ITFG2: variants seen among roughly 807,000 people sequenced by gnomAD.
ITFG2 encodes the protein integrin alpha FG-GAP repeat containing 2.
In ITFG2, 36 loss-of-function variants were observed where a neutral mutation model predicts 54.4. The ratio of observed to expected loss-of-function variants is 0.66; its 90% CI spans 0.51 to 0.87. The LOEUF is 0.87. ITFG2 is among the 40% of genes least tolerant of loss of function. The pLI, the probability that ITFG2 is intolerant of heterozygous loss-of-function variation, is 0.00. For synonymous variants in ITFG2, 211 were observed against 225.4 expected, an observed-to-expected ratio of 0.94 and a Z score of 0.57; for missense variants, 524 against 576.7, an observed-to-expected ratio of 0.91 and a Z score of 0.94.
downstream of ITFG2, chr12:2,827,238 A>G: frequency 6.2e-7 from 1 of 1,614,138 alleles, no homozygotes; most frequent in Non-Finnish European, 8.5e-7. This position sits in a 1 kb window ranked among gnomAD's most constrained non-coding sequence, Gnocchi z 4.0. Context: ...CAAAGGCAGG[A>G]AGGGTAGCTC....
intron 2 of ITFG2, among the ~76,000 whole-genome samples, chr12:2,854,276 C>T (rs947986000): frequency 5.3e-5 from 8 of 152,200 alleles, no homozygotes; most frequent in East Asian, 1.9e-4. Flanking sequence ...CCGGCCGCCT[C>T]GGCCTCCTAA....
chr12:2,837,937 G>A (rs1480612623), intron 1 of ITFG2, among the ~76,000 whole-genome samples: 1 of 152,200 alleles, frequency 6.6e-6, no homozygotes, highest in Non-Finnish European at 1.5e-5. Flanking sequence ...AATTTACGCT[G>A]TGCCTAAAGG....
chr12:2,826,115 ACT>A (rs1476848530), downstream of ITFG2: 1 of 150,410 alleles, frequency 6.6e-6, no homozygotes, highest in African/African-American at 2.5e-5. Context: ...AGCCAGAAAG[ACT>A]CTCAGGGATC....
intron 1 of ITFG2, among the ~76,000 whole-genome samples, chr12:2,840,187 G>A (rs1207619381): frequency 1.3e-5 from 2 of 151,994 alleles, no homozygotes; most frequent in Non-Finnish European, 2.9e-5. Context: ...AGTGGCTCAC[G>A]CCTATAATTC....
Position 2,821,608 on chromosome 12 carries a change from T to C in ITFG2, c.847+12T>C. On this transcript the variant is annotated intron_variant, in intron 8 of 11. Transcript: ENST00000228799. ...GTGCACCCTGGATGGTGAGCAATGC[T>C]AGGATGGGGTGTGGGGGCTGTATGC... 1.2e-6 allele frequency: 2 copies of C among 1,614,088 alleles called. No homozygotes were observed. Among genetic ancestry groups the C allele is most frequent in the South Asian group, 1.1e-5 (1 of 91,086 alleles).
chr12:2,820,436 G>A (rs755253553), intron 5 of ITFG2, among the ~76,000 whole-genome samples: 8 of 152,152 alleles, frequency 5.3e-5, no homozygotes, highest in Non-Finnish European at 8.8e-5. Flanking sequence ...GGCTAAGAAT[G>A]AGGAGTGTGA....
In ITFG2 at chr12:2,823,807, C is replaced by G. The variant is rs1490095344; in HGVS notation, c.1104C>G (p.Cys368Trp). 1 of 1,597,362 alleles carries G rather than the reference C, an allele frequency of 6.3e-7. No individual in the cohort carries two copies. The highest frequency in any genetic ancestry group is 8.5e-7 in the Non-Finnish European group (1 of 1,170,396). ...GCAAAGAGGGCCGCAACAGCCCCTG[C>G]CTCGTATATGTCACTTTCAACCAGA... The part of the protein sequence containing the change: ...YACKEGRNSP[C>W]LVYVTFNQKI... The change falls in exon 11 of 12, where the codon TGC (cysteine) becomes TGG (tryptophan). Residue 368 changes from cysteine (C) to tryptophan (W), a missense_variant. By Grantham distance (215) the Cys-to-Trp change is radical. Coordinates refer to ENST00000228799, the MANE Select transcript of ITFG2 (RefSeq NM_018463.4).
chr12:2,830,908 A>G (rs374950930), downstream of ITFG2: 4 of 1,587,650 alleles, frequency 2.5e-6, no homozygotes, highest in Non-Finnish European at 3.4e-6. Context: ...AAACCCAGGC[A>G]TCCAGGCTGC....
At chr12:2,817,815 G>A in intron 2 of ITFG2, 94 bp from the exon 3 acceptor site, 1 of 1,205,638 alleles carries the variant, frequency 8.3e-7, no homozygotes, top group Non-Finnish European at 1.2e-6. Context: ...GAGCGATGGT[G>A]ATTAGAAAAC....
At chr12:2,834,789 C>G, upstream of ITFG2, 1 of 1,613,802 alleles carries the variant, frequency 6.2e-7, no homozygotes, top group Non-Finnish European at 8.5e-7. Context: ...GCCCCCTCGT[C>G]CTGGCTTCTC....
chr12:2,827,413 C>A, downstream of ITFG2: 1 of 1,519,364 alleles, frequency 6.6e-7, no homozygotes, highest in Non-Finnish European at 8.8e-7. The surrounding 1 kb of genome is among the most constrained non-coding windows in gnomAD (Gnocchi z 4.0). Flanking sequence ...TTTTGCTCTT[C>A]CCCCATCCCC....
intron 6 of ITFG2, 103 bp downstream of exon 6, chr12:2,820,975 CCTCAT>C: frequency 8.0e-7 from 1 of 1,253,444 alleles, no homozygotes; most frequent in Non-Finnish European, 1.1e-6. Flanking sequence ...GGCAGAGCTG[CCTCAT>C]CTAGGTCCCA....
intron 1 of ITFG2, among the ~76,000 whole-genome samples, chr12:2,815,895 T>A (rs1219590386): frequency 6.6e-6 from 1 of 152,136 alleles, no homozygotes; most frequent in Non-Finnish European, 1.5e-5. Context: ...GACAGGGTCT[T>A]GTTCTGTCAC....
At chr12:2,828,508 C>T, downstream of ITFG2, 1 of 960,414 alleles carries the variant, frequency 1.0e-6, no homozygotes, top group African/African-American at 1.6e-5. Flanking sequence ...TGATTCCCTC[C>T]TAGAAATGAG....
chr12:2,826,737 G>T (rs2097969107), downstream of ITFG2: 1 of 189,872 alleles, frequency 5.3e-6, no homozygotes, highest in African/African-American at 2.4e-5. Context: ...GGAGGTCCAG[G>T]GACATAGGTT....
rs113527010 is a variant in ITFG2 at position 2,813,860 on chromosome 12, G to A, written c.96+1004G>A. Among the ~76,000 whole-genome samples the A allele has an allele frequency of 3.5e-4, 53 of 152,236 alleles. No individual in the cohort carries two copies. The South Asian group carries it at 8.9e-3, about 26-fold the overall frequency. ...GAAAGAGTTATTCTCATAAATTTGTGTTATGTTTTCTGGGCTTTCGTGTTT... is the reference window on the plus strand; with the variant it reads ...GAAAGAGTTATTCTCATAAATTTGTATTATGTTTTCTGGGCTTTCGTGTTT... On this transcript the variant is annotated intron_variant, in intron 1 of 11. Coordinates refer to ENST00000228799, the MANE Select transcript of ITFG2 (RefSeq NM_018463.4).
Position 2,821,314 on chromosome 12 carries a change from CACA to C in ITFG2, c.753_755del (p.Asn251del). 1.9e-6 allele frequency: 3 copies of C among 1,610,258 alleles called. No individual in the cohort carries two copies. Among genetic ancestry groups the C allele is most frequent in the Non-Finnish European group, 2.5e-6 (3 of 1,178,224 alleles). ...GCTGCACCAGACATCTGGCCGTATC[CACA>C]ACAAGAATGTCTCCACTCACCTAAT... On this transcript the variant is annotated inframe_deletion, in exon 7 of 12. Transcript: ENST00000228799.
At chr12:2,829,293 G>A (rs987059644), downstream of ITFG2, among the ~76,000 whole-genome samples, 13 of 130,344 alleles carry the variant, frequency 1.0e-4, no homozygotes, top group Non-Finnish European at 1.2e-4. Context: ...ACCTACTTTG[G>A]GACATAGACA....
chr12:2,820,911 T>C, intron 6 of ITFG2, 39 bp downstream of exon 6: 1 of 1,603,980 alleles, frequency 6.2e-7, no homozygotes, highest in Non-Finnish European at 8.5e-7. Flanking sequence ...TGGGGGTGCA[T>C]GGAAGCAGGA....
Sources: gnomAD v4.1 joint callset for allele counts (sites outside exome capture counted in the v4.1 genomes callset) on GRCh38, gnomAD v4.1.1 for gene constraint, Gnocchi (gnomAD v3.1) non-coding constraint, MANE v1.5 for transcripts, NCBI Gene and HGNC (gene_info 2026-07-23, HGNC 2026-07-21) for gene names.